The following OR6N1 variants were observed in gnomAD, a reference collection of about 807,000 sequenced individuals.
The protein encoded by OR6N1 is olfactory receptor family 6 subfamily N member 1, also known as olfactory receptor 6N1.
For synonymous variants in OR6N1, 170 were observed against 150.7 expected, an observed-to-expected ratio of 1.13 and a Z score of -0.94; for missense variants, 394 against 371.7, an observed-to-expected ratio of 1.06 and a Z score of -0.49.
chr1:158,775,958 T>C (rs545262155), upstream of OR6N1: 369 of 152,334 alleles, frequency 2.4e-3, 1 homozygote, highest in African/African-American at 8.5e-3. Context: ...AAGTTGAATA[T>C]ATAAATCTAA....
At chr1:158,777,408 G>C in the OR6N1 span, 79 of 1,613,996 alleles carry the variant, frequency 4.9e-5, no homozygotes, top group Non-Finnish European at 6.3e-5. Context: ...TAGGGATAGT[G>C]GTAGCTGTAT....
At chr1:158,790,776 A>G in the OR6N1 span, among the ~76,000 whole-genome samples, 1 of 152,076 alleles carries the variant, frequency 6.6e-6, no homozygotes, top group Non-Finnish European at 1.5e-5. Flanking sequence ...TAATTTTTTT[A>G]ATTCATGAGT....
chr1:158,838,278 A>G, the OR6N1 span, among the ~76,000 whole-genome samples: 1 of 152,062 alleles, frequency 6.6e-6, no homozygotes, highest in African/African-American at 2.4e-5. Flanking sequence ...ATATAGTGGT[A>G]ATGAAATCCT....
At chr1:158,828,351 T>C in the OR6N1 span, among the ~76,000 whole-genome samples, 3 of 152,140 alleles carry the variant, frequency 2.0e-5, no homozygotes, top group East Asian at 1.9e-4. Flanking sequence ...TTACTTCCTA[T>C]ATACAATGGG....
chr1:158,792,832 A>G, the OR6N1 span, among the ~76,000 whole-genome samples: 2 of 152,216 alleles, frequency 1.3e-5, no homozygotes, highest in Non-Finnish European at 1.5e-5. Flanking sequence ...ATCTCTAGCA[A>G]GGCCAGGGAA....
chr1:158,829,174 T>C, the OR6N1 span, among the ~76,000 whole-genome samples: 1 of 152,360 alleles, frequency 6.6e-6, no homozygotes, highest in South Asian at 2.1e-4. Context: ...TCTTCATGAT[T>C]AACATTTAGC....
At chr1:158,818,189 T>C in the OR6N1 span, among the ~76,000 whole-genome samples, 1 of 152,328 alleles carries the variant, frequency 6.6e-6, no homozygotes, top group East Asian at 1.9e-4. Flanking sequence ...CACCTATGCA[T>C]GAACACCAGA....
At chr1:158,787,635 T>TCTCTCTCACA in the OR6N1 span, among the ~76,000 whole-genome samples, 586 of 134,286 alleles carry the variant, frequency 4.4e-3, 10 homozygotes, top group African/African-American at 0.016. Flanking sequence ...TCTCTCTCTC[T>TCTCTCTCACA]CACACACACA....
the OR6N1 span, among the ~76,000 whole-genome samples, chr1:158,783,897 G>A: frequency 2.0e-5 from 3 of 152,154 alleles, no homozygotes; most frequent in Non-Finnish European, 2.9e-5. Context: ...ACGAGGTCAG[G>A]AGATCGAGAC....
chr1:158,789,976 G>A, the OR6N1 span, among the ~76,000 whole-genome samples: 1 of 152,166 alleles, frequency 6.6e-6, no homozygotes, highest in Non-Finnish European at 1.5e-5. Context: ...TGAAGTCTTA[G>A]ATTTAAGTCT....
the OR6N1 span, among the ~76,000 whole-genome samples, chr1:158,789,447 A>G: frequency 3.3e-5 from 5 of 152,112 alleles, no homozygotes; most frequent in Admixed American, 1.3e-4. Flanking sequence ...TACTAATTTA[A>G]ATTCTCACCA....
chr1:158,829,241 G>A, the OR6N1 span, among the ~76,000 whole-genome samples: 9 of 152,162 alleles, frequency 5.9e-5, no homozygotes, highest in Non-Finnish European at 1.2e-4. Flanking sequence ...CAGAAAATGG[G>A]ATTTTCTTTT....
chr1:158,770,223 A>G (rs1206271492), intron 1 of OR6N1, among the ~76,000 whole-genome samples: 2 of 152,210 alleles, frequency 1.3e-5, no homozygotes, highest in East Asian at 3.8e-4. Flanking sequence ...ACATAACTCC[A>G]AAGACTTATT....
In OR6N1 at chr1:158,766,011, T is replaced by C; in HGVS notation, c.672A>G (p.Thr224=). 3 of 1,614,190 alleles carry C rather than the reference T, an allele frequency of 1.9e-6. 1 individual carries two copies. The highest frequency in any genetic ancestry group is 4.5e-5 in the East Asian group (2 of 44,884). ...ILCSYVQIIC[T]VLRIPSAAGK... ...CGGCAGCTGAGGGAATTCTGAGCACTGTGCAGATGATCTGCACATAGGAGC... is the reference window on the plus strand; with the variant it reads ...CGGCAGCTGAGGGAATTCTGAGCACCGTGCAGATGATCTGCACATAGGAGC... Residue 224 remains threonine (T), a synonymous_variant, in exon 2 of 2, where the codon ACA becomes ACG. Transcript: ENST00000641846.
the OR6N1 span, among the ~76,000 whole-genome samples, chr1:158,790,228 A>G: frequency 6.6e-6 from 1 of 151,998 alleles, no homozygotes; most frequent in African/African-American, 2.4e-5. Flanking sequence ...CATGCTGTTT[A>G]GCTTGCTATA....
At chr1:158,822,975 CT>C in the OR6N1 span, among the ~76,000 whole-genome samples, 1 of 151,916 alleles carries the variant, frequency 6.6e-6, no homozygotes, top group Non-Finnish European at 1.5e-5. Context: ...ATCATGTGGG[CT>C]TTGTTTTTAG....
At chr1:158,805,537 G>A in the OR6N1 span, among the ~76,000 whole-genome samples, 1 of 152,160 alleles carries the variant, frequency 6.6e-6, no homozygotes, top group Non-Finnish European at 1.5e-5. Flanking sequence ...ACCATTCATA[G>A]GGTGTGTGTT....
chr1:158,813,646 T>C, the OR6N1 span, among the ~76,000 whole-genome samples: 8 of 151,802 alleles, frequency 5.3e-5, no homozygotes, highest in African/African-American at 1.5e-4. Context: ...CACTCTTCTC[T>C]ATATACCTTT....
At chr1:158,803,697 A>G in the OR6N1 span, among the ~76,000 whole-genome samples, 1 of 152,270 alleles carries the variant, frequency 6.6e-6, no homozygotes, top group Non-Finnish European at 1.5e-5. Context: ...ATGCCCATGC[A>G]TGATCCCTCA....
Sources: allele counts gnomAD v4.1 joint callset (sites outside exome capture counted in the v4.1 genomes callset), GRCh38; gene constraint gnomAD v4.1.1; transcripts MANE v1.5; gene names NCBI Gene and HGNC (gene_info 2026-07-23, HGNC 2026-07-21).